Variants in RNF115 observed in about 807,000 individuals in gnomAD.
RNF115 encodes the protein ring finger protein 115, also known as E3 ubiquitin-protein ligase RNF115.
RNF115 carries 31 observed loss-of-function variants against 39.2 expected under a neutral mutation model. The observed-to-expected ratio is 0.79, with a 90% CI of 0.59 to 1.07. RNF115 has a LOEUF of 1.07. Among genes scored for constraint, RNF115 ranks in the 50% least tolerant of loss-of-function variants. RNF115 has a pLI of 0.00. For missense variants in RNF115, 384 were observed against 381.7 expected (o/e 1.01, Z -0.05); for synonymous variants, 124 against 131.0 (o/e 0.95, Z 0.37).
intron 5 of RNF115, among the ~76,000 whole-genome samples, chr1:145,752,251 A>G (rs1553712584): frequency 1.3e-5 from 2 of 152,156 alleles, no homozygotes; most frequent in East Asian, 3.8e-4. Flanking sequence ...CTTCTGACAA[A>G]TCCTCTTACT....
At chr1:145,747,845 C>T (rs587607881) in intron 8 of RNF115, 150 bp downstream of exon 8, 1 of 604,330 alleles carries the variant, frequency 1.7e-6, no homozygotes, top group South Asian at 1.9e-5. Context: ...GTTTGCAACC[C>T]TTGGTCAGAA....
intron 3 of RNF115, among the ~76,000 whole-genome samples, chr1:145,775,946 C>G (rs1431991853): frequency 2.0e-5 from 3 of 151,680 alleles, no homozygotes; most frequent in African/African-American, 7.3e-5. Context: ...TGCAGTGAGC[C>G]GAGATCACTC....
Position 145,749,663 on chromosome 1 carries a change from T to TC in RNF115, c.667+743dup, listed in dbSNP as rs587598777. Among the ~76,000 whole-genome samples, 25 of 152,290 alleles carry TC rather than the reference T, an allele frequency of 1.6e-4. No individual in the cohort carries two copies. The East Asian group carries it at 2.1e-3, about 13-fold the overall frequency. On this transcript the variant is annotated intron_variant, in intron 7 of 8. Coordinates refer to ENST00000582693, the MANE Select transcript of RNF115 (RefSeq NM_014455.4). ...TAGCATTGTCACCATCAACTGAACC[T>TC]CATCTGGACTGCTGCAACACTCTAA...
At chr1:145,806,292 G>A (rs1429611290) in intron 1 of RNF115, among the ~76,000 whole-genome samples, 1 of 152,126 alleles carries the variant, frequency 6.6e-6, no homozygotes, top group Non-Finnish European at 1.5e-5. Flanking sequence ...AGGTTTCAGT[G>A]AGCTGAGATC....
intron 1 of RNF115, among the ~76,000 whole-genome samples, chr1:145,802,519 A>G (rs1649293725): frequency 6.6e-6 from 1 of 152,240 alleles, no homozygotes; most frequent in East Asian, 1.9e-4. Context: ...CTTGAAACCT[A>G]TACAAGTTTG....
intron 4 of RNF115, among the ~76,000 whole-genome samples, chr1:145,754,139 GT>G (rs781818081): frequency 1.3e-4 from 20 of 152,038 alleles, no homozygotes; most frequent in Non-Finnish European, 2.6e-4. Context: ...TATTCCGTTT[GT>G]TTGCTTGCTT....
chr1:145,786,673 G>C (rs1182777730), intron 2 of RNF115, among the ~76,000 whole-genome samples: 1 of 152,198 alleles, frequency 6.6e-6, no homozygotes, highest in Non-Finnish European at 1.5e-5. Flanking sequence ...GTTACTACTT[G>C]AAAAGTTGGC....
intron 4 of RNF115, among the ~76,000 whole-genome samples, chr1:145,764,062 C>T (rs1231204670): frequency 6.6e-6 from 1 of 152,184 alleles, no homozygotes; most frequent in Non-Finnish European, 1.5e-5. Flanking sequence ...TGCAGGCGCG[C>T]GCCACCACGC....
chr1:145,763,010 G>A (rs1553714065), intron 4 of RNF115, among the ~76,000 whole-genome samples: 1 of 152,116 alleles, frequency 6.6e-6, no homozygotes, highest in African/African-American at 2.4e-5. Context: ...ACAAAAGGGA[G>A]AGGGAGGGAG....
At chr1:145,757,865 T>C (rs192416788) in intron 4 of RNF115, among the ~76,000 whole-genome samples, 8 of 152,308 alleles carry the variant, frequency 5.3e-5, no homozygotes, top group Admixed American at 2.0e-4. Flanking sequence ...AAAGGAACTA[T>C]ACCTGAGGAA....
intron 2 of RNF115, 61 bp downstream of exon 2, chr1:145,788,847 T>G (rs918403258): frequency 8.4e-7 from 1 of 1,186,762 alleles, no homozygotes; most frequent in South Asian, 1.2e-5. Flanking sequence ...ACTCAGTCCA[T>G]GCTGAGAGAA....
At chr1:145,804,838 G>T (rs1351509428) in intron 1 of RNF115, among the ~76,000 whole-genome samples, 1 of 152,108 alleles carries the variant, frequency 6.6e-6, no homozygotes, top group African/African-American at 2.4e-5. Flanking sequence ...GGGAAGTGGA[G>T]GGATGGAGAT....
At chr1:145,772,980 T>C (rs587714781) in intron 3 of RNF115, 1 of 152,346 alleles carries the variant, frequency 6.6e-6, no homozygotes, top group East Asian at 1.9e-4. Context: ...CTCATATCTT[T>C]TGTTGAGCTC....
chr1:145,798,981 C>T (rs1649102887), intron 1 of RNF115, among the ~76,000 whole-genome samples: 1 of 151,494 alleles, frequency 6.6e-6, no homozygotes, highest in African/African-American at 2.4e-5. Flanking sequence ...GGAAACATAA[C>T]TAATTTTTGT....
intron 1 of RNF115, among the ~76,000 whole-genome samples, chr1:145,795,348 G>A (rs1451444425): frequency 3.9e-5 from 6 of 152,102 alleles, no homozygotes; most frequent in African/African-American, 1.4e-4. Context: ...CCACAACGCG[G>A]AAGGGACCCA....
chr1:145,809,317 G>T (rs922234493), intron 1 of RNF115, among the ~76,000 whole-genome samples: 1 of 151,342 alleles, frequency 6.6e-6, no homozygotes. Flanking sequence ...CTCCCAAGTA[G>T]CTGGGATTAC....
rs1195784885 is a variant in RNF115, at chr1:145,746,309, CT to C, written c.*556del. The C allele has an allele frequency of 6.6e-6, 1 of 151,832 alleles. No homozygotes were observed. The highest frequency in any genetic ancestry group is 1.5e-5 in the Non-Finnish European group (1 of 67,972). The allele number at this position is 151,832 out of a possible 1,614,324, so 9.4% of individuals were successfully genotyped here. ...CTTTTCTCTTCTTGCTGTAATTTTT[CT>C]TTGATTTGCTCTCTGGGGATCAAGA... On this transcript the variant is annotated 3_prime_UTR_variant, in exon 9 of 9. Coordinates refer to ENST00000582693, the MANE Select transcript of RNF115 (RefSeq NM_014455.4).
rs1553711065 is a variant in RNF115, at chr1:145,742,150, C to G, written c.*4716G>C. On this transcript the variant is annotated 3_prime_UTR_variant, in exon 9 of 9. Transcript: ENST00000582693. ...GTCTTCCACTTCTTAAACCCCAAAG[C>G]TGTTTTGTTGTTGTTGTCATTTAAA... 1 of 152,028 alleles carries G rather than the reference C, an allele frequency of 6.6e-6. No homozygotes were observed. The highest frequency in any genetic ancestry group is 1.5e-5 in the Non-Finnish European group (1 of 67,986). The allele number at this position is 152,028 out of a possible 1,614,324, so 9.4% of individuals were successfully genotyped here. A position where few individuals can be genotyped will look rare whatever the true frequency, so the allele number is the denominator to read the frequency against.
rs1650402667 is a variant in RNF115, at chr1:145,823,556, G to T, written c.102+216C>A. On this transcript the variant is annotated intron_variant, in intron 1 of 8. Coordinates refer to ENST00000582693, the MANE Select transcript of RNF115 (RefSeq NM_014455.4). ...GGAGGTAAAGAGGTGAGGTCAGGTGGAGCAGCCCAGGATGAATTAAGAGGT... is the reference window on the plus strand; with the variant it reads ...GGAGGTAAAGAGGTGAGGTCAGGTGTAGCAGCCCAGGATGAATTAAGAGGT... 2.6e-5 allele frequency among the ~76,000 whole-genome samples: 4 copies of T among 152,238 alleles called. No individual in the cohort carries two copies. In the South Asian group the frequency reaches 6.2e-4, roughly 24 times the overall value.
Sources: allele counts gnomAD v4.1 joint callset (sites outside exome capture counted in the v4.1 genomes callset), GRCh38; gene constraint gnomAD v4.1.1; transcripts MANE v1.5; gene names NCBI Gene and HGNC (gene_info 2026-07-23, HGNC 2026-07-21).